The following MYO18A variants were observed in gnomAD, a reference collection of about 807,000 sequenced individuals.
MYO18A encodes myosin XVIIIA, also known as unconventional myosin-XVIIIa.
In MYO18A, 78 loss-of-function variants were observed where a neutral mutation model predicts 235.8. That is an observed-to-expected ratio of 0.33 (90% CI 0.28 to 0.40). MYO18A has a LOEUF of 0.40. Among genes scored for constraint, MYO18A ranks in the 10% least tolerant of loss-of-function variants. The pLI is 1.00. For synonymous variants in MYO18A, 977 were observed against 1,077.8 expected, an observed-to-expected ratio of 0.91 and a Z score of 1.83; for missense variants, 2,215 against 2,699.3, an observed-to-expected ratio of 0.82 and a Z score of 3.98.
At position 29,117,577 on chromosome 17, in the gene MYO18A, G is replaced by A. The variant is rs1187979659; in HGVS notation, c.2038+468C>T. ...CTCTCAACCTCCAGGCTTCTCCCCAGACCAGTCCTCTCTGCAGCAACAGAA... is the reference window on the plus strand; with the variant it reads ...CTCTCAACCTCCAGGCTTCTCCCCAAACCAGTCCTCTCTGCAGCAACAGAA... On this transcript the variant is annotated intron_variant, in intron 10 of 41. Transcript: ENST00000527372. The surrounding 1 kb of genome is among the most constrained non-coding windows in gnomAD (Gnocchi z 4.6). Among the ~76,000 whole-genome samples, 1 of 152,078 alleles carries A rather than the reference G, an allele frequency of 6.6e-6. No individual in the cohort carries two copies. The highest frequency in any genetic ancestry group is 2.4e-5 in the African/African-American group (1 of 41,404).
chr17:29,159,285 C>T (rs2068123880), intron 2 of MYO18A, among the ~76,000 whole-genome samples: 2 of 152,158 alleles, frequency 1.3e-5, no homozygotes, highest in South Asian at 4.2e-4. Context: ...AGACCTTTCA[C>T]CCACCACGTC....
rs10153246 is a variant in MYO18A at position 29,133,643 on chromosome 17, C to T, written c.1000-11390G>A. ...CCAGCCAGAATAGGGAGTTCACCAGCCCCCGTCATTCTCCCTGCCACCCCC... is the reference window on the plus strand; with the variant it reads ...CCAGCCAGAATAGGGAGTTCACCAGTCCCCGTCATTCTCCCTGCCACCCCC... On this transcript the variant is annotated intron_variant, in intron 2 of 41. Transcript: ENST00000527372. The T allele has an allele frequency of 6.4e-3, 2,914 of 453,452 alleles. 85 individuals are homozygous for T. Among genetic ancestry groups the T allele is most frequent in the African/African-American group, 0.054 (2,661 of 49,474 alleles). 28.1% of individuals were successfully genotyped at this position (453,452 alleles called of 1,614,324 possible). A position where few individuals can be genotyped will look rare whatever the true frequency, so the allele number is the denominator to read the frequency against.
chr17:29,094,578 C>A, intron 30 of MYO18A, 72 bp downstream of exon 30: 1 of 1,508,726 alleles, frequency 6.6e-7, no homozygotes, highest in Non-Finnish European at 9.2e-7. Context: ...CTGGCCCATG[C>A]CTGAGGCTGG....
rs113495215 is a variant in MYO18A at position 29,109,156 on chromosome 17, C to CA, written c.3331+701dup. ...AACTCATAACTTCTCAGGCAAAAAA[C>CA]AAAAAAAAAACAAAAAAAACCCACC... On this transcript the variant is annotated intron_variant, in intron 19 of 41. Transcript: ENST00000527372. This position sits in a 1 kb window ranked among gnomAD's most constrained non-coding sequence, Gnocchi z 4.1. Among the ~76,000 whole-genome samples the CA allele has an allele frequency of 2.2e-3, 325 of 144,554 alleles. 1 individual carries two copies. Among genetic ancestry groups the CA allele is most frequent in the East Asian group, 4.1e-3 (20 of 4,844 alleles). 94.8% of individuals were successfully genotyped at this position (144,554 alleles called of 152,430 possible). A position where few individuals can be genotyped will look rare whatever the true frequency, so the allele number is the denominator to read the frequency against.
chr17:29,145,158 G>A (rs1174331482), intron 2 of MYO18A, among the ~76,000 whole-genome samples: 1 of 152,140 alleles, frequency 6.6e-6, no homozygotes, highest in East Asian at 1.9e-4. Flanking sequence ...TCTCCCTGGA[G>A]AGCTGGGACC....
chr17:29,097,670 C>T, intron 26 of MYO18A, 118 bp downstream of exon 26: 3 of 877,086 alleles, frequency 3.4e-6, no homozygotes, highest in Non-Finnish European at 5.3e-6. Context: ...TCATCTGTTT[C>T]TTTCAGTTTA....
intron 41 of MYO18A, chr17:29,080,582 C>A: frequency 1.0e-6 from 1 of 985,802 alleles, no homozygotes; most frequent in Non-Finnish European, 1.2e-6. Flanking sequence ...CGGCGGGAAC[C>A]GGGCGAGCCC....
chr17:29,086,798 TG>T, intron 38 of MYO18A, 137 bp downstream of exon 38: 1 of 1,196,532 alleles, frequency 8.4e-7, no homozygotes, highest in Non-Finnish European at 1.1e-6. Context: ...CCTCTTGATA[TG>T]CTCCTCCTCC....
At chr17:29,115,266 G>A (rs765111469) in intron 13 of MYO18A, 85 bp downstream of exon 13, 1 of 1,511,222 alleles carries the variant, frequency 6.6e-7, no homozygotes, top group Non-Finnish European at 9.1e-7. Context: ...GAAGAGACCG[G>A]CTCTGCCTCG....
chr17:29,160,274 G>A (rs1426020910), intron 2 of MYO18A, among the ~76,000 whole-genome samples: 1 of 152,174 alleles, frequency 6.6e-6, no homozygotes, highest in East Asian at 1.9e-4. Flanking sequence ...AGAGGCAATT[G>A]GAGTGAATTC....
chr17:29,100,344 C>A (rs887203591), intron 21 of MYO18A, among the ~76,000 whole-genome samples: 8 of 152,228 alleles, frequency 5.3e-5, no homozygotes, highest in African/African-American at 1.7e-4. Context: ...TCTCCTCCCC[C>A]TCCCTGCTAG....
Position 29,120,777 on chromosome 17 carries a change from A to AG in MYO18A, c.1586-20dup. On this transcript the variant is annotated intron_variant, in intron 6 of 41. Transcript: ENST00000527372. This position sits in a 1 kb window ranked among gnomAD's most constrained non-coding sequence, Gnocchi z 4.2. ...TTCTCCACTGCAGAATACAGGCCCA[A>AG]GGGGATATCAGGAAAGCCAGGGGCA... 1.2e-6 allele frequency: 2 copies of AG among 1,605,548 alleles called. No homozygotes were observed. Among genetic ancestry groups the AG allele is most frequent in the Non-Finnish European group, 1.7e-6 (2 of 1,174,844 alleles).
At chr17:29,139,636 G>A (rs943379112) in intron 2 of MYO18A, among the ~76,000 whole-genome samples, 5 of 152,320 alleles carry the variant, frequency 3.3e-5, no homozygotes, top group Middle Eastern at 6.8e-3. Flanking sequence ...GTAGAGTCAG[G>A]GGAACGGGAA....
intron 2 of MYO18A, among the ~76,000 whole-genome samples, chr17:29,132,720 A>G (rs535262886): frequency 6.6e-6 from 1 of 152,336 alleles, no homozygotes; most frequent in Admixed American, 6.5e-5. Context: ...AGCTATCTGC[A>G]ACGGGCTCAA....
chr17:29,080,041 G>A, intron 41 of MYO18A: 1 of 985,996 alleles, frequency 1.0e-6, no homozygotes. Flanking sequence ...GCTGGAGCTG[G>A]AGCTGCTCCT....
chr17:29,127,309 T>C lies in MYO18A; in HGVS notation c.1000-5056A>G, dbSNP rs184883707. 7.9e-5 allele frequency among the ~76,000 whole-genome samples: 12 copies of C among 152,348 alleles called. No individual in the cohort carries two copies. The East Asian group carries it at 2.3e-3, about 29-fold the overall frequency. ...GTTTGTTACACGTTGTTGCTCATTA[T>C]GTATACTGTATGGCACTAAAATACA... On this transcript the variant is annotated intron_variant, in intron 2 of 41. Transcript: ENST00000527372.
At position 29,074,837 on chromosome 17, in the gene MYO18A, G is replaced by A. The variant is rs773215389; in HGVS notation, c.6098C>T (p.Pro2033Leu). 6.8e-6 allele frequency: 11 copies of A among 1,613,862 alleles called. 1 individual carries two copies. Among genetic ancestry groups the A allele is most frequent in the South Asian group, 3.3e-5 (3 of 91,086 alleles). The change falls in exon 42 of 42, where the codon CCG becomes CTG. Residue 2033 changes from proline (P) to leucine (L), a missense_variant. Pro to Leu is a moderately conservative substitution (Grantham distance 98). Transcript: ENST00000527372. This position sits in a 1 kb window ranked among gnomAD's most constrained non-coding sequence, Gnocchi z 4.4. ...ACTCAGATAACTGTGGGAGTATCGCGGTCTGGAGGTGTTGTCGAGAGGGTC... is the reference window on the plus strand; with the variant it reads ...ACTCAGATAACTGTGGGAGTATCGCAGTCTGGAGGTGTTGTCGAGAGGGTC... ...EHDPLDNTSRPRYSHSYLSDS... is the reference protein window; with the variant it reads ...EHDPLDNTSRLRYSHSYLSDS...
intron 2 of MYO18A, among the ~76,000 whole-genome samples, chr17:29,145,496 G>T (rs1826224670): frequency 6.6e-6 from 1 of 152,162 alleles, no homozygotes; most frequent in Admixed American, 6.5e-5. Flanking sequence ...AACTAGCTGT[G>T]AACTGTAATA....
Position 29,166,109 on chromosome 17 carries a change from C to T in MYO18A, c.832G>A (p.Glu278Lys). The T allele has an allele frequency of 6.2e-7, 1 of 1,613,490 alleles. No homozygotes were observed. The highest frequency in any genetic ancestry group is 1.1e-5 in the South Asian group (1 of 91,088). ...LGLVPGDRLV[E>K]INGHNVESKS... ...CTCTCCACATTGTGCCCATTAATCT[C>T]CACCAGTCGATCTCCTGGCACCAGC... is the stretch of plus-strand genomic sequence containing the variant. Residue 278 changes from glutamate (E) to lysine (K), a missense_variant, in exon 2 of 42, where the codon GAG (glutamate) becomes AAG (lysine). Coordinates refer to ENST00000527372, the MANE Select transcript of MYO18A (RefSeq NM_078471.4).
Sources: gnomAD v4.1 joint callset for allele counts (sites outside exome capture counted in the v4.1 genomes callset) on GRCh38, gnomAD v4.1.1 for gene constraint, Gnocchi (gnomAD v3.1) non-coding constraint, MANE v1.5 for transcripts, NCBI Gene and HGNC (gene_info 2026-07-23, HGNC 2026-07-21) for gene names.